The following ARHGAP29 variants were observed in gnomAD, a reference collection of about 807,000 sequenced individuals.
ARHGAP29 encodes the protein Rho GTPase activating protein 29.
Under a neutral mutation model 122.6 loss-of-function variants are expected in ARHGAP29, and 43 were observed. That is an observed-to-expected ratio of 0.35 (90% CI 0.27 to 0.45). ARHGAP29 has a LOEUF of 0.45. Among genes scored for constraint, ARHGAP29 ranks in the 20% least tolerant of loss-of-function variants. The probability of loss-of-function intolerance (pLI) is 1.00; values close to 1 mark genes in which losing one functional copy is unlikely to be tolerated. For missense variants in ARHGAP29, 1,303 were observed against 1,477.2 expected, an observed-to-expected ratio of 0.88 and a Z score of 1.93; for synonymous variants, 506 against 497.1, an observed-to-expected ratio of 1.02 and a Z score of -0.24.
chr1:94,191,305 T>A (rs903287474), intron 12 of ARHGAP29: 10 of 152,174 alleles, frequency 6.6e-5, no homozygotes, highest in Admixed American at 6.5e-4. Flanking sequence ...GCAATCTGAA[T>A]AAGTGCTAAA....
chr1:94,190,807 A>T (rs1650086679), intron 12 of ARHGAP29: 1 of 152,142 alleles, frequency 6.6e-6, no homozygotes, highest in Non-Finnish European at 1.5e-5. Flanking sequence ...TGAGGGTGGT[A>T]CGCGAGAGAA....
chr1:94,281,200 A>G, the ARHGAP29 span, among the ~76,000 whole-genome samples: 3 of 152,320 alleles, frequency 2.0e-5, no homozygotes, highest in South Asian at 6.2e-4. Flanking sequence ...ACACACTCCT[A>G]TAGACACATA....
intron 22 of ARHGAP29, 49 bp from the exon 23 acceptor site, chr1:94,174,798 A>C: frequency 6.4e-7 from 1 of 1,570,924 alleles, no homozygotes; most frequent in Non-Finnish European, 8.6e-7. Context: ...GGTTAATAAG[A>C]GAGTTTGAAT....
chr1:94,250,995 ACTG>A (rs1258799779), intron 1 of ARHGAP29, among the ~76,000 whole-genome samples: 3 of 152,140 alleles, frequency 2.0e-5, no homozygotes, highest in Non-Finnish European at 2.9e-5. Flanking sequence ...TATTGATACT[ACTG>A]TGAATAAAAA....
intron 1 of ARHGAP29, chr1:94,247,852 G>C (rs558483588): frequency 4.4e-4 from 80 of 182,860 alleles, no homozygotes; most frequent in Non-Finnish European, 6.9e-4. Context: ...AGGTTGGGGC[G>C]GCTGCTCGCT....
chr1:94,247,725 A>C (rs1307072613), intron 1 of ARHGAP29: 4 of 731,526 alleles, frequency 5.5e-6, no homozygotes, highest in Non-Finnish European at 6.6e-6. Context: ...CCACCACCAC[A>C]GCGGCCGCCG....
At chr1:94,221,694 T>C (rs1326752359) in intron 2 of ARHGAP29, among the ~76,000 whole-genome samples, 1 of 150,842 alleles carries the variant, frequency 6.6e-6, no homozygotes, top group African/African-American at 2.4e-5. Context: ...TATAAATATA[T>C]TCATGAAAAT....
chr1:94,293,753 C>A, the ARHGAP29 span, among the ~76,000 whole-genome samples: 48 of 152,188 alleles, frequency 3.2e-4, no homozygotes, highest in Admixed American at 7.2e-4. Context: ...AACTTCCATG[C>A]CCTCCATGGG....
the ARHGAP29 span, among the ~76,000 whole-genome samples, chr1:94,301,514 C>T: frequency 3.9e-5 from 6 of 152,142 alleles, 1 homozygote; most frequent in South Asian, 8.3e-4. Flanking sequence ...CCCATGTGAC[C>T]GTTCCTGAAT....
intron 12 of ARHGAP29, among the ~76,000 whole-genome samples, chr1:94,196,117 A>G: frequency 6.6e-6 from 1 of 152,178 alleles, no homozygotes; most frequent in African/African-American, 2.4e-5. Context: ...TTACATCTTA[A>G]AACAACAGGA....
rs1283160816 is a variant in ARHGAP29, at chr1:94,173,700, T to TTA, written c.*168_*169insTA. 6.9e-6 allele frequency: 5 copies of TTA among 725,774 alleles called. No homozygotes were observed. Among genetic ancestry groups the TTA allele is most frequent in the Non-Finnish European group, 1.1e-5 (5 of 459,564 alleles). The allele number at this position is 725,774 out of a possible 1,614,324, so 45.0% of individuals were successfully genotyped here. ...GCACAAATGTGACCCTATCAAAACA[T>TTA]TCTACCATTCAGTATTACCAACAGA... On this transcript the variant is annotated 3_prime_UTR_variant, in exon 23 of 23. Transcript: ENST00000260526.
At chr1:94,236,638 T>C (rs1570587647) in intron 1 of ARHGAP29, among the ~76,000 whole-genome samples, 1 of 151,796 alleles carries the variant, frequency 6.6e-6, no homozygotes, top group Admixed American at 6.6e-5. Flanking sequence ...GTCACGAGGG[T>C]TCCACCTTGA....
intron 1 of ARHGAP29, among the ~76,000 whole-genome samples, chr1:94,261,344 C>A (rs1007280462): frequency 6.6e-6 from 1 of 152,110 alleles, no homozygotes; most frequent in Non-Finnish European, 1.5e-5. Flanking sequence ...AAGTAATAAA[C>A]ACTTATTTGT....
At chr1:94,231,726 A>AACTT in intron 1 of ARHGAP29, 83 bp from the exon 2 acceptor site, 1 of 1,054,264 alleles carries the variant, frequency 9.5e-7, no homozygotes. Flanking sequence ...GAAATATTAC[A>AACTT]CTAGATTTTC....
chr1:94,184,684 G>A (rs1649684799), intron 18 of ARHGAP29, among the ~76,000 whole-genome samples, 188 bp downstream of exon 18: 1 of 152,058 alleles, frequency 6.6e-6, no homozygotes, highest in South Asian at 2.1e-4. Flanking sequence ...AGCCTGGGAG[G>A]TCAAGGCTGC....
chr1:94,276,030 G>A (rs925175417), upstream of ARHGAP29, among the ~76,000 whole-genome samples: 13 of 152,098 alleles, frequency 8.5e-5, no homozygotes, highest in Non-Finnish European at 1.8e-4. Flanking sequence ...GGCTGATGCG[G>A]GCAGATTACT....
At chr1:94,277,722 C>A (rs1469102818), upstream of ARHGAP29, among the ~76,000 whole-genome samples, 1 of 152,142 alleles carries the variant, frequency 6.6e-6, no homozygotes, top group East Asian at 1.9e-4. Context: ...ATTCCCTCCT[C>A]CTTCTCCATC....
chr1:94,269,820 T>C (rs982316041), intron 1 of ARHGAP29, among the ~76,000 whole-genome samples: 1 of 152,096 alleles, frequency 6.6e-6, no homozygotes, highest in Admixed American at 6.6e-5. Context: ...AAGTCAACAA[T>C]TGAATAAATA....
chr1:94,271,615 C>T (rs1193410807), intron 1 of ARHGAP29, among the ~76,000 whole-genome samples: 2 of 152,174 alleles, frequency 1.3e-5, no homozygotes, highest in African/African-American at 4.8e-5. Context: ...GAACATGCAG[C>T]TCAAGTGCCA....
Sources: allele counts gnomAD v4.1 joint callset (sites outside exome capture counted in the v4.1 genomes callset), GRCh38; gene constraint gnomAD v4.1.1; transcripts MANE v1.5; gene names NCBI Gene and HGNC (gene_info 2026-07-23, HGNC 2026-07-21).